The following LSAMP variants were observed in gnomAD, a reference collection of about 807,000 sequenced individuals.
The protein encoded by LSAMP is limbic system associated membrane protein.
Under a neutral mutation model 38.6 loss-of-function variants are expected in LSAMP, and 7 were observed. The observed-to-expected ratio is 0.18, with a 90% CI of 0.10 to 0.34. LSAMP has a LOEUF of 0.34. LSAMP is among the 10% of genes least tolerant of loss of function. LSAMP has a pLI of 1.00. For synonymous variants in LSAMP, 154 were observed against 166.8 expected, an observed-to-expected ratio of 0.92 and a Z score of 0.59; for missense variants, 313 against 420.0, an observed-to-expected ratio of 0.75 and a Z score of 2.23.
chr3:116,268,721 C>T (rs1179924303), intron 1 of LSAMP, among the ~76,000 whole-genome samples: 2 of 151,032 alleles, frequency 1.3e-5, no homozygotes, highest in Admixed American at 1.3e-4. Flanking sequence ...AAAAATTTTA[C>T]TCTTATAATT....
At chr3:116,010,873 TAA>T (rs2107675142) in intron 3 of LSAMP, among the ~76,000 whole-genome samples, 1 of 152,386 alleles carries the variant, frequency 6.6e-6, no homozygotes, top group Non-Finnish European at 1.5e-5. Flanking sequence ...CTTCATGATA[TAA>T]GTTAGGTTAC....
intron 1 of LSAMP, among the ~76,000 whole-genome samples, chr3:116,441,841 C>G (rs189695740): frequency 6.6e-6 from 1 of 152,168 alleles, no homozygotes; most frequent in Non-Finnish European, 1.5e-5. Flanking sequence ...TAGGGAGGAC[C>G]GCCAAGGCTG....
At chr3:116,143,530 G>A (rs1471796763) in intron 1 of LSAMP, among the ~76,000 whole-genome samples, 2 of 151,822 alleles carry the variant, frequency 1.3e-5, no homozygotes, top group African/African-American at 4.8e-5. Context: ...TCCATAATGT[G>A]CTTATTTCAC....
chr3:115,947,947 G>A (rs1487248828), intron 3 of LSAMP, among the ~76,000 whole-genome samples: 5 of 152,180 alleles, frequency 3.3e-5, no homozygotes, highest in African/African-American at 1.2e-4. Context: ...GCACACTTGA[G>A]AGAATGTTAA....
rs1419676268 is a variant in LSAMP, at chr3:115,805,909, G to A, written c.*4408C>T. The A allele has an allele frequency of 2.0e-5, 3 of 152,168 alleles. No individual in the cohort carries two copies. Among genetic ancestry groups the A allele is most frequent in the African/African-American group, 7.2e-5 (3 of 41,434 alleles). 9.4% of individuals were successfully genotyped at this position (152,168 alleles called of 1,614,324 possible). On this transcript the variant is annotated 3_prime_UTR_variant, in exon 7 of 7. Transcript: ENST00000490035. ...AGAAATATTCTAAACATTTAAGCAA[G>A]GAGGAGGCTTCCTAAACTGCATTTT... is the stretch of plus-strand genomic sequence containing the variant.
At chr3:116,435,121 C>T (rs1034150806) in intron 1 of LSAMP, among the ~76,000 whole-genome samples, 2 of 152,180 alleles carry the variant, frequency 1.3e-5, no homozygotes, top group Non-Finnish European at 2.9e-5. Context: ...TGAGATTATA[C>T]AGTAAGAGTT....
intron 3 of LSAMP, 120 bp from the exon 4 acceptor site, chr3:115,852,737 T>G (rs1470698644): frequency 2.0e-6 from 2 of 994,842 alleles, no homozygotes; most frequent in African/African-American, 1.7e-5. Flanking sequence ...AAAATGTACT[T>G]TGTCTGACAT....
In LSAMP at chr3:116,013,287, C is replaced by T. The variant is rs181033343; in HGVS notation, c.514+6228G>A. On this transcript the variant is annotated intron_variant, in intron 3 of 6. Transcript: ENST00000490035. The stretch of plus-strand genomic sequence containing the variant: ...GGCTGACCATGTCAGTTACTGTGAG[C>T]ATCTCCAGGATTTTTAAAGTTTGGG... Among the ~76,000 whole-genome samples, 225 of 152,288 alleles carry T rather than the reference C, an allele frequency of 1.5e-3. 1 individual carries two copies. Among genetic ancestry groups the T allele is most frequent in the African/African-American group, 5.2e-3 (215 of 41,572 alleles).
chr3:116,330,485 T>C (rs1047793525), intron 1 of LSAMP, among the ~76,000 whole-genome samples: 12 of 152,252 alleles, frequency 7.9e-5, no homozygotes, highest in Admixed American at 6.5e-4. Flanking sequence ...TCTGCCTCCA[T>C]TGTTGTAAGC....
At chr3:116,354,094 T>C (rs771109980) in intron 1 of LSAMP, among the ~76,000 whole-genome samples, 1 of 152,130 alleles carries the variant, frequency 6.6e-6, no homozygotes, top group Non-Finnish European at 1.5e-5. Flanking sequence ...AATGCCAACA[T>C]GGACTTTTAA....
intron 1 of LSAMP, among the ~76,000 whole-genome samples, chr3:116,434,767 G>A (rs2049325376): frequency 2.0e-5 from 3 of 152,120 alleles, no homozygotes; most frequent in Admixed American, 6.6e-5. Flanking sequence ...GGCCAGGATG[G>A]TCTCGATCTC....
chr3:116,064,753 G>T (rs1224611375), intron 2 of LSAMP, among the ~76,000 whole-genome samples: 1 of 152,086 alleles, frequency 6.6e-6, no homozygotes, highest in Non-Finnish European at 1.5e-5. Context: ...AAACAACTAT[G>T]ATTGTTATTG....
At chr3:116,145,798 A>T (rs1348983266) in intron 1 of LSAMP, among the ~76,000 whole-genome samples, 1 of 151,910 alleles carries the variant, frequency 6.6e-6, no homozygotes, top group African/African-American at 2.4e-5. Context: ...TGACTTTCGC[A>T]GATACAACTT....
intron 1 of LSAMP, among the ~76,000 whole-genome samples, chr3:116,130,238 CA>C (rs1176415594): frequency 1.3e-5 from 2 of 152,158 alleles, no homozygotes; most frequent in Non-Finnish European, 2.9e-5. Context: ...CCCTTATTTA[CA>C]AAATTGTCTG....
chr3:116,158,041 T>C (rs961205364), intron 1 of LSAMP, among the ~76,000 whole-genome samples: 2 of 152,072 alleles, frequency 1.3e-5, no homozygotes, highest in Admixed American at 6.6e-5. Context: ...GGAGGCAAAG[T>C]TGGTTCAACA....
chr3:116,056,664 A>AT (rs1006267509), intron 2 of LSAMP, among the ~76,000 whole-genome samples: 1 of 152,106 alleles, frequency 6.6e-6, no homozygotes, highest in Non-Finnish European at 1.5e-5. Flanking sequence ...ATGAAATATG[A>AT]TTTTAGCAAC....
intron 1 of LSAMP, among the ~76,000 whole-genome samples, chr3:116,278,416 T>C (rs1304995517): frequency 6.6e-6 from 1 of 152,148 alleles, no homozygotes; most frequent in Non-Finnish European, 1.5e-5. Context: ...GAAGTTATTA[T>C]CCTCAATTCA....
chr3:115,995,059 T>A (rs1939777210), intron 3 of LSAMP, among the ~76,000 whole-genome samples: 1 of 152,150 alleles, frequency 6.6e-6, no homozygotes, highest in South Asian at 2.1e-4. Flanking sequence ...TGTACTTGTG[T>A]ACCAACCATC....
intron 1 of LSAMP, among the ~76,000 whole-genome samples, chr3:116,428,423 A>C (rs909040238): frequency 6.6e-6 from 1 of 152,040 alleles, no homozygotes; most frequent in African/African-American, 2.4e-5. Context: ...GCACCACTAC[A>C]CTCCAGCCTG....
Sources: gnomAD v4.1 joint callset for allele counts (sites outside exome capture counted in the v4.1 genomes callset) on GRCh38, gnomAD v4.1.1 for gene constraint, MANE v1.5 for transcripts, NCBI Gene and HGNC (gene_info 2026-07-23, HGNC 2026-07-21) for gene names.